Variants in DAB1 observed in about 807,000 individuals in gnomAD.
DAB1 encodes disabled homolog 1.
In DAB1, 15 loss-of-function variants were observed where a neutral mutation model predicts 64.6. The observed-to-expected ratio is 0.23, with a 90% CI of 0.16 to 0.36. The LOEUF (loss-of-function observed/expected upper bound fraction) is 0.36, where lower values mean the gene tolerates loss of function less well. DAB1 is among the 10% of genes least tolerant of loss of function. The pLI is 1.00. For missense variants in DAB1, 596 were observed against 706.7 expected, an observed-to-expected ratio of 0.84 and a Z score of 1.78; for synonymous variants, 235 against 251.9, an observed-to-expected ratio of 0.93 and a Z score of 0.64.
At chr1:57,147,780 T>C (rs1456499450) in intron 2 of DAB1, among the ~76,000 whole-genome samples, 1 of 152,144 alleles carries the variant, frequency 6.6e-6, no homozygotes, top group Non-Finnish European at 1.5e-5. Context: ...ATGCATCAAC[T>C]TGTTAAGTCC....
intron 5 of DAB1, chr1:58,049,133 G>A: frequency 1.2e-6 from 1 of 809,916 alleles, no homozygotes; most frequent in Non-Finnish European, 2.2e-6. Flanking sequence ...AGCCCCCGGA[G>A]CACTTGGTGT....
intron 5 of DAB1, among the ~76,000 whole-genome samples, chr1:57,968,765 A>G (rs1645729408): frequency 6.6e-6 from 1 of 152,146 alleles, no homozygotes; most frequent in Non-Finnish European, 1.5e-5. Flanking sequence ...ACTGTGAGGT[A>G]TGTGTTTTAT....
chr1:57,026,545 C>G (rs1646795440), intron 9 of DAB1, among the ~76,000 whole-genome samples: 1 of 152,098 alleles, frequency 6.6e-6, no homozygotes, highest in Non-Finnish European at 1.5e-5. Flanking sequence ...AATAAATAAA[C>G]TAAGTCTCAG....
chr1:57,738,231 C>T (rs3131732), intron 6 of DAB1, among the ~76,000 whole-genome samples: 12,011 of 152,210 alleles, frequency 0.079, 1,364 homozygotes, highest in African/African-American at 0.25. Flanking sequence ...ATTACAGACT[C>T]TTTTGAAGGT....
chr1:57,916,234 C>A (rs74528214), intron 5 of DAB1, among the ~76,000 whole-genome samples: 1 of 152,190 alleles, frequency 6.6e-6, no homozygotes, highest in Non-Finnish European at 1.5e-5. Context: ...GCACTGACAG[C>A]TCCTGTGCAG....
At chr1:57,071,750 T>G in intron 5 of DAB1, 109 bp from the exon 6 acceptor site, 1 of 1,039,598 alleles carries the variant, frequency 9.6e-7, no homozygotes, top group Non-Finnish European at 1.4e-6. Context: ...TCTATTAATC[T>G]GAAAGCATTC....
intron 4 of DAB1, among the ~76,000 whole-genome samples, chr1:58,293,413 A>T (rs1291032792): frequency 6.6e-6 from 1 of 152,210 alleles, no homozygotes; most frequent in Non-Finnish European, 1.5e-5. Flanking sequence ...GAGCCAAAAA[A>T]TATCAAAATA....
chr1:57,666,236 T>G (rs979198088), intron 6 of DAB1, among the ~76,000 whole-genome samples: 3 of 152,174 alleles, frequency 2.0e-5, no homozygotes, highest in Non-Finnish European at 4.4e-5. Context: ...TTCTTTATCT[T>G]TTAAATGTGT....
intron 7 of DAB1, among the ~76,000 whole-genome samples, chr1:57,555,688 G>A (rs1644980415): frequency 6.6e-6 from 1 of 152,166 alleles, no homozygotes; most frequent in Admixed American, 6.5e-5. Context: ...GACTCAGTGA[G>A]TGATTTGTCC....
At chr1:58,109,951 T>C (rs1453685550) in intron 5 of DAB1, among the ~76,000 whole-genome samples, 1 of 152,232 alleles carries the variant, frequency 6.6e-6, no homozygotes, top group Non-Finnish European at 1.5e-5. Flanking sequence ...TATGAATAGA[T>C]GCTCATATGT....
rs1479246462 is a variant in DAB1 at position 58,534,111 on chromosome 1, G to C, written n.33-6776C>G. 5.8e-6 allele frequency: 5 copies of C among 866,486 alleles called. No homozygotes were observed. In the African/African-American group the frequency reaches 8.2e-5, roughly 14 times the overall value. The allele number at this position is 866,486 out of a possible 1,614,324, so 53.7% of individuals were successfully genotyped here. On this transcript the variant is annotated intron_variant and non_coding_transcript_variant, in intron 1 of 20. Transcript: ENST00000485760. ...GCAATTAGAACATCATAAAAAATAA[G>C]GACAATAAATTTAACAATTACAATG...
chr1:57,125,620 A>G (rs1570738450), intron 4 of DAB1, among the ~76,000 whole-genome samples: 1 of 152,194 alleles, frequency 6.6e-6, no homozygotes, highest in East Asian at 1.9e-4. Flanking sequence ...AAGAAAAATG[A>G]GGGGAAAATG....
At position 57,727,838 on chromosome 1, in the gene DAB1, A is replaced by C. The variant is rs543964634; in HGVS notation, n.552-78173T>G. On this transcript the variant is annotated intron_variant and non_coding_transcript_variant, in intron 6 of 20. Transcript: ENST00000485760. ...AAATCCTGCTTAATTCCTACATTTAACTCTTAAGTGCCACCTTTTCACAAT... is the reference window on the plus strand; with the variant it reads ...AAATCCTGCTTAATTCCTACATTTACCTCTTAAGTGCCACCTTTTCACAAT... 3.3e-4 allele frequency among the ~76,000 whole-genome samples: 50 copies of C among 151,476 alleles called. 1 individual carries two copies. The highest frequency in any genetic ancestry group is 3.1e-3 in the Admixed American group (47 of 15,180).
intron 4 of DAB1, among the ~76,000 whole-genome samples, chr1:58,296,230 A>AAAG (rs1553173606): frequency 1.5e-4 from 22 of 151,406 alleles, no homozygotes; most frequent in Non-Finnish European, 2.5e-4. Context: ...AGAAAGAAAG[A>AAAG]AAGAAAGAAA....
At chr1:57,039,988 A>G (rs1043408088) in intron 9 of DAB1, among the ~76,000 whole-genome samples, 3 of 152,196 alleles carry the variant, frequency 2.0e-5, no homozygotes, top group African/African-American at 7.2e-5. Context: ...TACATGATTT[A>G]CTGAGCATCT....
At chr1:57,934,549 T>G (rs1335125163) in intron 5 of DAB1, among the ~76,000 whole-genome samples, 3 of 152,204 alleles carry the variant, frequency 2.0e-5, no homozygotes, top group Non-Finnish European at 4.4e-5. Flanking sequence ...ATTTATTCAG[T>G]GATCACTATG....
At position 57,415,273 on chromosome 1, in the gene DAB1, A is replaced by ACG. The variant is rs1684406384; in HGVS notation, c.-137+8656_-137+8657insCG. ...CACACACACACACACACACACACAC[A>ACG]CACACACATATATGCACACACTCCA... On this transcript the variant is annotated intron_variant, in intron 1 of 14. Coordinates refer to ENST00000371236, the MANE Select transcript of DAB1 (RefSeq NM_001365792.1). Among the ~76,000 whole-genome samples, 9 of 147,332 alleles carry ACG rather than the reference A, an allele frequency of 6.1e-5. No homozygotes were observed. In the South Asian group the frequency reaches 8.7e-4, roughly 14 times the overall value.
At chr1:57,325,284 C>A (rs1676062832) in intron 1 of DAB1, among the ~76,000 whole-genome samples, 1 of 152,198 alleles carries the variant, frequency 6.6e-6, no homozygotes, top group Non-Finnish European at 1.5e-5. Context: ...CTGTTCTGGG[C>A]TCTTAGCCCG....
intron 5 of DAB1, among the ~76,000 whole-genome samples, chr1:57,902,501 G>T (rs1032257794): frequency 6.6e-6 from 1 of 152,034 alleles, no homozygotes; most frequent in Non-Finnish European, 1.5e-5. Context: ...TCTCAATAAC[G>T]TCCTTTCAGC....
Sources: gnomAD v4.1 joint callset for allele counts (sites outside exome capture counted in the v4.1 genomes callset) on GRCh38, gnomAD v4.1.1 for gene constraint, MANE v1.5 for transcripts, NCBI Gene and HGNC (gene_info 2026-07-23, HGNC 2026-07-21) for gene names.